The following GLYATL2 variants were observed in gnomAD, a reference collection of about 807,000 sequenced individuals.
The protein encoded by GLYATL2 is glycine-N-acyltransferase like 2.
GLYATL2 carries 25 observed loss-of-function variants against 21.4 expected under a neutral mutation model. The observed-to-expected ratio is 1.17, with a 90% CI of 0.85 to 1.63. The LOEUF (loss-of-function observed/expected upper bound fraction) is 1.63. Among genes scored for constraint, GLYATL2 ranks in the 40% most tolerant of loss-of-function variants. The pLI is 0.00. For synonymous variants in GLYATL2, 114 were observed against 118.2 expected, an observed-to-expected ratio of 0.96 and a Z score of 0.23; for missense variants, 361 against 343.3, an observed-to-expected ratio of 1.05 and a Z score of -0.41.
intron 1 of GLYATL2, among the ~76,000 whole-genome samples, chr11:58,856,091 A>C (rs577054922): frequency 6.6e-6 from 1 of 152,180 alleles, no homozygotes; most frequent in African/African-American, 2.4e-5. Context: ...TGATCGCTGC[A>C]CCACTGCATT....
intron 1 of GLYATL2, among the ~76,000 whole-genome samples, chr11:58,898,055 A>G (rs1230862669): frequency 1.1e-4 from 16 of 152,226 alleles, no homozygotes; most frequent in Admixed American, 1.0e-3. Flanking sequence ...TAACTTAATT[A>G]TCCATAATAT....
chr11:58,839,607 A>T lies in GLYATL2; in HGVS notation c.6T>A (p.Leu2=). The change falls in exon 2 of 6, where the codon CTT becomes CTA. Residue 2 remains leucine, a synonymous_variant. Transcript: ENST00000287275. ...GCAGCTTCTGAGAGTTATGAAGCAC[A>T]AGCATCTTATGTAGCACTTCAGCTT... M[L]VLHNSQKLQI... is the part of the protein sequence containing the mutation. 1 of 1,610,510 alleles carries T rather than the reference A, an allele frequency of 6.2e-7. No individual in the cohort carries two copies. Among genetic ancestry groups the T allele is most frequent in the South Asian group, 1.1e-5 (1 of 90,690 alleles).
intron 1 of GLYATL2, among the ~76,000 whole-genome samples, chr11:58,869,373 G>T (rs1854076666): frequency 6.6e-6 from 1 of 152,178 alleles, no homozygotes; most frequent in South Asian, 2.1e-4. Flanking sequence ...CTCACATGGT[G>T]CTGTTTGACA....
chr11:58,842,545 G>T (rs1345582649), intron 1 of GLYATL2, among the ~76,000 whole-genome samples: 1 of 151,112 alleles, frequency 6.6e-6, no homozygotes, highest in South Asian at 2.1e-4. Flanking sequence ...AAGGTGTCCA[G>T]TCTGGGGTGG....
chr11:58,887,197 TA>T (rs1185516536), intron 1 of GLYATL2, among the ~76,000 whole-genome samples: 1 of 152,190 alleles, frequency 6.6e-6, no homozygotes, highest in Non-Finnish European at 1.5e-5. Context: ...TTTATAAAGT[TA>T]GTCAATAAAC....
At chr11:58,888,599 A>G (rs1486842420) in intron 1 of GLYATL2, among the ~76,000 whole-genome samples, 1 of 151,992 alleles carries the variant, frequency 6.6e-6, no homozygotes, top group African/African-American at 2.4e-5. Flanking sequence ...CTATTTTGTC[A>G]TATAACATGT....
At chr11:58,863,693 T>A (rs1426425949) in intron 1 of GLYATL2, among the ~76,000 whole-genome samples, 1 of 152,098 alleles carries the variant, frequency 6.6e-6, no homozygotes, top group Non-Finnish European at 1.5e-5. Context: ...GCCTGGAGGT[T>A]GGGTGTATGA....
intron 1 of GLYATL2, among the ~76,000 whole-genome samples, chr11:58,863,550 G>A (rs492802): frequency 0.89 from 134,846 of 152,026 alleles, 60,963 homozygotes; most frequent in Non-Finnish European, 0.98. Context: ...ATTGGATCCT[G>A]GGTCACAAAA....
At chr11:58,884,040 A>C (rs1047197295) in intron 1 of GLYATL2, among the ~76,000 whole-genome samples, 1 of 152,218 alleles carries the variant, frequency 6.6e-6, no homozygotes, top group Non-Finnish European at 1.5e-5. Context: ...AAAACTCTCA[A>C]TAAACTAGGT....
At chr11:58,880,757 T>C (rs1854319131) in intron 1 of GLYATL2, among the ~76,000 whole-genome samples, 3 of 152,178 alleles carry the variant, frequency 2.0e-5, no homozygotes, top group African/African-American at 7.2e-5. Flanking sequence ...TAAAATTTCC[T>C]TGAGTATTCA....
At chr11:58,876,077 C>T (rs932533762) in intron 1 of GLYATL2, among the ~76,000 whole-genome samples, 3 of 152,166 alleles carry the variant, frequency 2.0e-5, no homozygotes, top group African/African-American at 2.4e-5. Context: ...TCCAGTTGAT[C>T]GCATCGGTTA....
chr11:58,902,517 A>T (rs1854757562), intron 1 of GLYATL2, among the ~76,000 whole-genome samples: 1 of 152,184 alleles, frequency 6.6e-6, no homozygotes, highest in Admixed American at 6.5e-5. Flanking sequence ...CTCTAAATAC[A>T]GACATCAGCC....
intron 1 of GLYATL2, among the ~76,000 whole-genome samples, chr11:58,839,888 A>T (rs1358742761): frequency 6.6e-6 from 1 of 152,324 alleles, no homozygotes; most frequent in East Asian, 1.9e-4. Flanking sequence ...ACATTAACAT[A>T]TCTGGCAAAA....
intron 1 of GLYATL2, among the ~76,000 whole-genome samples, chr11:58,850,078 CA>C (rs1853712718): frequency 6.6e-6 from 1 of 152,094 alleles, no homozygotes; most frequent in Non-Finnish European, 1.5e-5. Flanking sequence ...AACTACAGTC[CA>C]ATATTTCTGA....
At chr11:58,842,582 A>G (rs1226708716) in intron 1 of GLYATL2, among the ~76,000 whole-genome samples, 1 of 151,550 alleles carries the variant, frequency 6.6e-6, no homozygotes, top group African/African-American at 2.4e-5. Context: ...CTGAGCTACC[A>G]GGACAGGCTT....
rs796112852 is a variant in GLYATL2, at chr11:58,853,321, G to C, written n.61-14953C>G. 7.9e-5 allele frequency among the ~76,000 whole-genome samples: 12 copies of C among 152,232 alleles called. 1 individual carries two copies. The highest frequency in any genetic ancestry group is 2.4e-4 in the African/African-American group (10 of 41,540). ...ATAAAAACAGTCAATCCTCCATATT[G>C]GTAGGTTCCACATCTGCAACCAAAT... On this transcript the variant is annotated intron_variant and non_coding_transcript_variant, in intron 1 of 4. Transcript: ENST00000533636.
intron 1 of GLYATL2, among the ~76,000 whole-genome samples, chr11:58,862,348 C>A (rs1392649603): frequency 2.6e-5 from 4 of 152,116 alleles, no homozygotes; most frequent in African/African-American, 2.4e-5. Context: ...ATTTCTCTTT[C>A]CCCAGACTTG....
upstream of GLYATL2, chr11:58,907,637 G>C: frequency 4.4e-6 from 1 of 226,270 alleles, no homozygotes; most frequent in East Asian, 1.0e-4. Flanking sequence ...GATGTTTCTA[G>C]TCATTGTGGG....
intron 1 of GLYATL2, among the ~76,000 whole-genome samples, chr11:58,843,086 T>C (rs1489719697): frequency 2.0e-5 from 3 of 152,214 alleles, no homozygotes; most frequent in Non-Finnish European, 2.9e-5. Flanking sequence ...TGTTATATGT[T>C]GTTTCATTTG....
Sources: gnomAD v4.1 joint callset for allele counts (sites outside exome capture counted in the v4.1 genomes callset) on GRCh38, gnomAD v4.1.1 for gene constraint, MANE v1.5 for transcripts, NCBI Gene and HGNC (gene_info 2026-07-23, HGNC 2026-07-21) for gene names.